The following ADAMTS12 variants were observed in gnomAD, a reference collection of about 807,000 sequenced individuals.
The protein encoded by ADAMTS12 is A disintegrin and metalloproteinase with thrombospondin motifs 12.
A neutral mutation model predicts 167.8 loss-of-function variants in ADAMTS12; 118 were observed. That is an observed-to-expected ratio of 0.70 (90% CI 0.61 to 0.82). The LOEUF (loss-of-function observed/expected upper bound fraction) is 0.82, where lower values mean the gene tolerates loss of function less well. Ranked by LOEUF, ADAMTS12 falls within the 40% of genes least tolerant of loss-of-function variation. The pLI is 0.00. For missense variants in ADAMTS12, 1,916 were observed against 1,998.8 expected, an observed-to-expected ratio of 0.96 and a Z score of 0.79; for synonymous variants, 704 against 716.9, an observed-to-expected ratio of 0.98 and a Z score of 0.29.
rs139172600 is a variant in ADAMTS12 at position 33,605,508 on chromosome 5, G to A, written c.2527+8730C>T. ...GAAAACTTAGGAAAATATAGTCATT[G>A]AAATAAAAAATGCTGTGGTGAGGGT... On this transcript the variant is annotated intron_variant, in intron 16 of 23. Coordinates refer to ENST00000504830, the MANE Select transcript of ADAMTS12 (RefSeq NM_030955.4). 3.3e-3 allele frequency among the ~76,000 whole-genome samples: 496 copies of A among 152,168 alleles called. 2 individuals carry two copies. Among genetic ancestry groups the A allele is most frequent in the African/African-American group, 0.011 (466 of 41,504 alleles).
At chr5:33,862,677 T>C (rs1749664525) in intron 2 of ADAMTS12, among the ~76,000 whole-genome samples, 1 of 152,096 alleles carries the variant, frequency 6.6e-6, no homozygotes, top group African/African-American at 2.4e-5. Flanking sequence ...GAGGGAATCC[T>C]CCCTAACTCA....
At chr5:33,687,373 G>A (rs1411707073) in intron 3 of ADAMTS12, among the ~76,000 whole-genome samples, 2 of 152,146 alleles carry the variant, frequency 1.3e-5, no homozygotes, top group African/African-American at 4.8e-5. Context: ...AAGGACCCGA[G>A]GCTCAAAAAG....
chr5:33,796,210 T>C (rs1040237105), intron 2 of ADAMTS12, among the ~76,000 whole-genome samples: 2 of 152,208 alleles, frequency 1.3e-5, no homozygotes, highest in Admixed American at 6.5e-5. Flanking sequence ...AAGCGTGGCA[T>C]ACTCTATCCA....
chr5:33,791,239 C>T (rs77348377), intron 2 of ADAMTS12, among the ~76,000 whole-genome samples: 5,009 of 152,208 alleles, frequency 0.033, 282 homozygotes, highest in African/African-American at 0.11. Context: ...ATATAAAAGT[C>T]TCCAATGAAA....
At chr5:33,701,831 C>A (rs978582835) in intron 3 of ADAMTS12, among the ~76,000 whole-genome samples, 9 of 152,278 alleles carry the variant, frequency 5.9e-5, no homozygotes, top group East Asian at 5.8e-4. Flanking sequence ...GCCCATATAA[C>A]CTTCAGCACA....
intron 17 of ADAMTS12, among the ~76,000 whole-genome samples, chr5:33,593,971 T>C (rs903238573): frequency 4.6e-5 from 7 of 152,236 alleles, no homozygotes; most frequent in Admixed American, 1.3e-4. Context: ...CTTATGACTA[T>C]TTCATAAATA....
rs138527006 is a variant in ADAMTS12 at position 33,754,067 on chromosome 5, T to C, written c.490-2519A>G. Among the ~76,000 whole-genome samples the C allele has an allele frequency of 3.2e-3, 484 of 152,260 alleles. 2 individuals are homozygous for C. The highest frequency in any genetic ancestry group is 5.7e-3 in the Non-Finnish European group (387 of 68,010). ...TGCACCTCTTCTCTCTCCCAACATATAAACACAGGGCTTTGTACATCTAGT... is the reference window on the plus strand; with the variant it reads ...TGCACCTCTTCTCTCTCCCAACATACAAACACAGGGCTTTGTACATCTAGT... On this transcript the variant is annotated intron_variant, in intron 2 of 23. Transcript: ENST00000504830.
In ADAMTS12 at chr5:33,576,561, A is replaced by T; in HGVS notation, c.3465T>A (p.Ile1155=). The T allele has an allele frequency of 6.2e-7, 1 of 1,614,148 alleles. No homozygotes were observed. Residue 1155 remains isoleucine (I), a synonymous_variant, in exon 19 of 24, where the codon ATT becomes ATA. Transcript: ENST00000504830. ...NTLTKGPEME[I]HSGSGEEREQ... The stretch of plus-strand genomic sequence containing the variant: ...CTCTTTCTTCCCCTGAGCCACTGTG[A>T]ATCTCCATTTCTGGACCTTTGGTCA...
rs541891837 is a variant in ADAMTS12 at position 33,577,219 on chromosome 5, A to T, written c.2866-59T>A. 4.5e-4 allele frequency: 732 copies of T among 1,609,974 alleles called. 10 individuals carry two copies. In the South Asian group the frequency reaches 7.7e-3, roughly 17 times the overall value. On this transcript the variant is annotated intron_variant, in intron 18 of 23. Transcript: ENST00000504830. ...AGAAGATGCTTTTATTCTCATGGTT[A>T]GGTCTATAACAGATCAAAACAGGCC...
At position 33,614,266 on chromosome 5, in the gene ADAMTS12, C is replaced by T. The variant is rs756577853; in HGVS notation, c.2499G>A (p.Trp833Ter). ...QQMYFWQYGH[W>*]TECSVTCGTG... is the part of the protein sequence containing the mutation. ...TCCCGCAGGTCACACTGCACTCTGT[C>T]CAGTGGCCGTACTGCCAGAAGTACA... is the stretch of plus-strand genomic sequence containing the variant. Residue 833 changes from tryptophan to a stop codon, truncating the protein, a stop_gained, in exon 16 of 24, where the codon TGG becomes TGA. Coordinates refer to ENST00000504830, the MANE Select transcript of ADAMTS12 (RefSeq NM_030955.4). LOFTEE classifies it high-confidence loss of function. 6.2e-7 allele frequency: 1 copy of T among 1,614,008 alleles called. No homozygotes were observed. Among genetic ancestry groups the T allele is most frequent in the Admixed American group, 1.7e-5 (1 of 60,006 alleles).
chr5:33,655,572 A>G (rs993568742), intron 7 of ADAMTS12, among the ~76,000 whole-genome samples: 1 of 146,824 alleles, frequency 6.8e-6, no homozygotes, highest in African/African-American at 2.5e-5. Context: ...TTCCACATAA[A>G]TTAATTGCTC....
At chr5:33,784,717 T>C (rs569486737) in intron 2 of ADAMTS12, among the ~76,000 whole-genome samples, 1 of 152,140 alleles carries the variant, frequency 6.6e-6, no homozygotes, top group Admixed American at 6.5e-5. Flanking sequence ...TAGAGAGCCA[T>C]ACCATGTTCA....
At chr5:33,579,747 T>C (rs1027397899) in intron 18 of ADAMTS12, among the ~76,000 whole-genome samples, 9 of 152,240 alleles carry the variant, frequency 5.9e-5, no homozygotes, top group African/African-American at 2.2e-4. Context: ...CAGGCTACTG[T>C]GTGGATTACC....
chr5:33,707,378 C>A (rs911663406), intron 3 of ADAMTS12, among the ~76,000 whole-genome samples: 1 of 152,116 alleles, frequency 6.6e-6, no homozygotes, highest in African/African-American at 2.4e-5. Context: ...CCATACTGCC[C>A]AAAGTAATTT....
At chr5:33,891,377 T>A (rs373868188) in intron 1 of ADAMTS12, 93 of 192,938 alleles carry the variant, frequency 4.8e-4, no homozygotes, top group African/African-American at 1.9e-3. Context: ...AAAAAAAAAA[T>A]TTTCCATGTT....
intron 2 of ADAMTS12, among the ~76,000 whole-genome samples, chr5:33,782,514 G>GT (rs1167859592): frequency 6.6e-6 from 1 of 151,902 alleles, no homozygotes; most frequent in Non-Finnish European, 1.5e-5. Flanking sequence ...AAATAAAAAA[G>GT]TAAGACCCAA....
At chr5:33,687,574 T>C (rs1252498077) in intron 3 of ADAMTS12, among the ~76,000 whole-genome samples, 2 of 152,216 alleles carry the variant, frequency 1.3e-5, no homozygotes, top group African/African-American at 2.4e-5. Flanking sequence ...TTGTGGGTAA[T>C]GAGACATGAA....
chr5:33,651,571 A>T (rs1740868855), intron 7 of ADAMTS12, among the ~76,000 whole-genome samples: 1 of 152,200 alleles, frequency 6.6e-6, no homozygotes, highest in Admixed American at 6.5e-5. Flanking sequence ...AATGTTTCTT[A>T]GTTTGATCCA....
intron 2 of ADAMTS12, among the ~76,000 whole-genome samples, chr5:33,855,556 T>C (rs985846472): frequency 6.6e-6 from 1 of 152,182 alleles, no homozygotes. Context: ...TTCATCTCGA[T>C]GTAAAGGTGG....
Sources: gnomAD v4.1 joint callset for allele counts (sites outside exome capture counted in the v4.1 genomes callset) on GRCh38, gnomAD v4.1.1 for gene constraint, MANE v1.5 for transcripts, NCBI Gene and HGNC (gene_info 2026-07-23, HGNC 2026-07-21) for gene names.